FAM221B: variants seen among roughly 807,000 people sequenced by gnomAD.
FAM221B encodes the protein protein FAM221B.
Under a neutral mutation model 39.8 loss-of-function variants are expected in FAM221B, and 35 were observed. The observed-to-expected ratio is 0.88, with a 90% confidence interval of 0.67 to 1.17. The LOEUF is 1.17. Ranked by LOEUF, FAM221B falls within the 50% of genes most tolerant of loss-of-function variation. The probability of loss-of-function intolerance (pLI) is 0.00; values close to 1 mark genes in which losing one functional copy is unlikely to be tolerated. For missense variants in FAM221B, 479 were observed against 503.1 expected (o/e 0.95, Z 0.46); for synonymous variants, 158 against 178.1 (o/e 0.89, Z 0.90).
At chr9:35,820,905 C>T (rs183044672) in intron 3 of FAM221B, among the ~76,000 whole-genome samples, 10 of 152,254 alleles carry the variant, frequency 6.6e-5, no homozygotes, top group Admixed American at 6.5e-4. Flanking sequence ...GATGGCACCT[C>T]CAATTCAGAT....
chr9:35,826,067 T>C lies in FAM221B; in HGVS notation c.95A>G (p.Glu32Gly), dbSNP rs747142375. Residue 32 changes from glutamate (E) to glycine (G), a missense_variant, in exon 2 of 7, where the codon GAG becomes GGG. Glu to Gly is a moderately conservative substitution (Grantham distance 98, BLOSUM62 -2). Coordinates refer to ENST00000423537, the MANE Select transcript of FAM221B (RefSeq NM_001012446.4). The part of the protein sequence containing the change: ...SKDPSAEDLQ[E>G]NHISESFLKP... ...CAAGAAGCTTTCAGAGATATGGTTC[T>C]CCTGTAAGTCCTCAGCAGAGGGGTC... is the stretch of plus-strand genomic sequence containing the variant. The C allele has an allele frequency of 1.2e-6, 2 of 1,614,074 alleles. No individual in the cohort carries two copies. The highest frequency in any genetic ancestry group is 1.7e-5 in the Admixed American group (1 of 60,014).
Position 35,818,458 on chromosome 9 carries a change from CTGGG to C in FAM221B, c.*7_*10del, listed in dbSNP as rs1829060942. The C allele has an allele frequency of 4.5e-6, 7 of 1,551,592 alleles. No individual in the cohort carries two copies. In the African/African-American group the frequency reaches 9.6e-5, roughly 21 times the overall value. ...CAATGACTCCTCTTTTATTGCTGATCTGGGCCAGACTCACAAAGGCCTGTGCCAG... is the reference window on the plus strand; with the variant it reads ...CAATGACTCCTCTTTTATTGCTGATCCCAGACTCACAAAGGCCTGTGCCAG... On this transcript the variant is annotated 3_prime_UTR_variant, in exon 7 of 7. Coordinates refer to ENST00000423537, the MANE Select transcript of FAM221B (RefSeq NM_001012446.4).
At chr9:35,820,320 A>C (rs1324907158) in intron 3 of FAM221B, among the ~76,000 whole-genome samples, 1 of 152,216 alleles carries the variant, frequency 6.6e-6, no homozygotes, top group Non-Finnish European at 1.5e-5. Flanking sequence ...GAGGATGAAC[A>C]TGAATCTCAC....
chr9:35,820,224 A>G (rs143336537), intron 3 of FAM221B, among the ~76,000 whole-genome samples: 12 of 152,238 alleles, frequency 7.9e-5, no homozygotes, highest in African/African-American at 2.9e-4. Context: ...CTTCCTACCC[A>G]GGATCTACTC....
At chr9:35,826,295 A>C in intron 1 of FAM221B, 134 bp from the exon 2 acceptor site, 1 of 694,672 alleles carries the variant, frequency 1.4e-6, no homozygotes, top group Non-Finnish European at 2.4e-6. Context: ...TAAGAGGGAA[A>C]CAACATGAAC....
In FAM221B at chr9:35,821,720, T is replaced by C. The variant is rs947029844; in HGVS notation, c.743-1720A>G. ...CCGGGGGGCAGTCAAGTCCAAGCAC[T>C]AGTGTAGGAATCAGTGCCCAGCATT... On this transcript the variant is annotated intron_variant, in intron 3 of 6. Coordinates refer to ENST00000423537, the MANE Select transcript of FAM221B (RefSeq NM_001012446.4). 9.8e-6 allele frequency: 8 copies of C among 812,784 alleles called. No individual in the cohort carries two copies. In the African/African-American group the frequency reaches 1.1e-4, roughly 11 times the overall value. 50.3% of individuals were successfully genotyped at this position (812,784 alleles called of 1,614,324 possible). A position where few individuals can be genotyped will look rare whatever the true frequency, so the allele number is the denominator to read the frequency against.
chr9:35,822,090 C>A (rs1160074891), intron 3 of FAM221B, among the ~76,000 whole-genome samples: 1 of 152,208 alleles, frequency 6.6e-6, no homozygotes. Context: ...AGCCCTCTCT[C>A]CTGAGCTTCA....
intron 3 of FAM221B, among the ~76,000 whole-genome samples, chr9:35,820,899 G>A (rs574018452): frequency 6.6e-6 from 1 of 152,142 alleles, no homozygotes; most frequent in Non-Finnish European, 1.5e-5. Context: ...TAACCAGATG[G>A]CACCTCCAAT....
rs1401139210 is a variant in FAM221B at position 35,818,951 on chromosome 9, C to T, written c.1110G>A (p.Trp370Ter). Reference protein sequence around the residue: ...NFLCAACDRRWEEHETFFDTQ... With the variant: ...NFLCAACDRR ...TGTCAAAGAAAGTCTCGTGTTCCTCCCAGCGCCGGTCACAGGCCGCACAGA... is the reference window on the plus strand; with the variant it reads ...TGTCAAAGAAAGTCTCGTGTTCCTCTCAGCGCCGGTCACAGGCCGCACAGA... Residue 370 changes from tryptophan to a stop codon, truncating the protein, a stop_gained, in exon 6 of 7, where the codon TGG becomes TGA. Transcript: ENST00000423537. LOFTEE classifies it high-confidence loss of function. The T allele has an allele frequency of 6.4e-7, 1 of 1,551,770 alleles. No individual in the cohort carries two copies. Among genetic ancestry groups the T allele is most frequent in the Non-Finnish European group, 8.7e-7 (1 of 1,147,032 alleles).
intron 6 of FAM221B, 137 bp from the exon 7 acceptor site, chr9:35,818,643 A>G (rs1829066153): frequency 2.0e-6 from 2 of 999,766 alleles, no homozygotes; most frequent in Non-Finnish European, 3.0e-6. Context: ...CTGTATCTGC[A>G]GGGCCTAGAA....
At position 35,818,998 on chromosome 9, in the gene FAM221B, C is replaced by T. The variant is rs1462263990; in HGVS notation, c.1063G>A (p.Gly355Ser). 21 of 1,551,546 alleles carry T rather than the reference C, an allele frequency of 1.4e-5. No homozygotes were observed. The highest frequency in any genetic ancestry group is 4.1e-5 in the African/African-American group (3 of 73,026). The change falls in exon 6 of 7, where the codon GGC becomes AGC. Residue 355 changes from glycine (G) to serine (S), a missense_variant. Gly to Ser is a moderately conservative substitution (Grantham distance 56). Coordinates refer to ENST00000423537, the MANE Select transcript of FAM221B (RefSeq NM_001012446.4). ...HPCRHHGCCC[G>S]CFESNFLCAA... ...CAGAGGAAATTAGACTCAAAACAGC[C>T]GCAGCAACAGCCTGGGGCAAAAGTG...
In FAM221B at chr9:35,825,396, A is replaced by G. The variant is rs867219870; in HGVS notation, c.599-23T>C. The stretch of plus-strand genomic sequence containing the variant: ...TACCTAGGATGGGAGAGGATGAGTA[A>G]CCAGGGGGAAGTGAGAAGGCCCTAA... On this transcript the variant is annotated intron_variant, in intron 2 of 6. Coordinates refer to ENST00000423537, the MANE Select transcript of FAM221B (RefSeq NM_001012446.4). This position sits in a 1 kb window ranked among gnomAD's most constrained non-coding sequence, Gnocchi z 4.2. 6.2e-7 allele frequency: 1 copy of G among 1,613,458 alleles called. No homozygotes were observed. Among genetic ancestry groups the G allele is most frequent in the Admixed American group, 1.7e-5 (1 of 59,998 alleles).
At chr9:35,823,802 C>T (rs956435334) in intron 3 of FAM221B, among the ~76,000 whole-genome samples, 2 of 152,036 alleles carry the variant, frequency 1.3e-5, no homozygotes, top group African/African-American at 2.4e-5. Context: ...GTAGCTGGGG[C>T]CACAGGTGTG....
chr9:35,823,215 T>C (rs1394896010), intron 3 of FAM221B, among the ~76,000 whole-genome samples: 1 of 152,258 alleles, frequency 6.6e-6, no homozygotes, highest in Non-Finnish European at 1.5e-5. Context: ...CCCTTTTTTT[T>C]CTGCTCATGC....
At position 35,822,309 on chromosome 9, in the gene FAM221B, G is replaced by A. The variant is rs572028890; in HGVS notation, c.743-2309C>T. On this transcript the variant is annotated intron_variant, in intron 3 of 6. Transcript: ENST00000423537. The stretch of plus-strand genomic sequence containing the variant: ...CCACTTACTTATGCCAAAAACTGGT[G>A]GCACTCCAGGCATTTCCCTCTCTCT... Among the ~76,000 whole-genome samples, 31 of 152,270 alleles carry A rather than the reference G, an allele frequency of 2.0e-4. No individual in the cohort carries two copies. The South Asian group carries it at 3.1e-3, about 15-fold the overall frequency.
At chr9:35,822,854 C>T (rs1252926234) in intron 3 of FAM221B, among the ~76,000 whole-genome samples, 1 of 152,218 alleles carries the variant, frequency 6.6e-6, no homozygotes, top group Non-Finnish European at 1.5e-5. Context: ...TTTCTCCAGT[C>T]TACCCTATTG....
In FAM221B at chr9:35,817,655, T is replaced by C. The variant is rs1288131439; in HGVS notation, c.*814A>G. Reference sequence around the variant, plus strand: ...ATTAGCCTTCCCAAACCTTCCCCTTTCTCTTCTTGTCTCCTGCTCCCTACT... The same window carrying C: ...ATTAGCCTTCCCAAACCTTCCCCTTCCTCTTCTTGTCTCCTGCTCCCTACT... On this transcript the variant is annotated 3_prime_UTR_variant, in exon 7 of 7. Coordinates refer to ENST00000423537, the MANE Select transcript of FAM221B (RefSeq NM_001012446.4). 6.6e-6 allele frequency: 1 copy of C among 152,286 alleles called. No homozygotes were observed. Among genetic ancestry groups the C allele is most frequent in the Non-Finnish European group, 1.5e-5 (1 of 68,130 alleles). The allele number at this position is 152,286 out of a possible 1,614,324, so 9.4% of individuals were successfully genotyped here. A position where few individuals can be genotyped will look rare whatever the true frequency, so the allele number is the denominator to read the frequency against.
At chr9:35,826,206 G>A (rs1361013572) in intron 1 of FAM221B, 45 bp from the exon 2 acceptor site, 5 of 1,466,622 alleles carry the variant, frequency 3.4e-6, no homozygotes, top group African/African-American at 1.4e-5. Flanking sequence ...TGGAAATAGA[G>A]GGCCGGCAAG....
Position 35,828,349 on chromosome 9 carries a change from C to T in FAM221B, c.-1+114G>A. ...ACAACAACAACTACTACTACTACTACTACTACTACTACTACTACTACTACT... is the reference window on the plus strand; with the variant it reads ...ACAACAACAACTACTACTACTACTATTACTACTACTACTACTACTACTACT... On this transcript the variant is annotated intron_variant, in intron 1 of 6. Coordinates refer to ENST00000423537, the MANE Select transcript of FAM221B (RefSeq NM_001012446.4). This position sits in a 1 kb window ranked among gnomAD's most constrained non-coding sequence, Gnocchi z 4.5. 1 of 168,608 alleles carries T rather than the reference C, an allele frequency of 5.9e-6. No homozygotes were observed. The highest frequency in any genetic ancestry group is 1.2e-5 in the Non-Finnish European group (1 of 85,106). The allele number at this position is 168,608 out of a possible 1,614,324, so 10.4% of individuals were successfully genotyped here. A position where few individuals can be genotyped will look rare whatever the true frequency, so the allele number is the denominator to read the frequency against.
Sources: gnomAD v4.1 joint callset for allele counts (sites outside exome capture counted in the v4.1 genomes callset) on GRCh38, gnomAD v4.1.1 for gene constraint, Gnocchi (gnomAD v3.1) non-coding constraint, MANE v1.5 for transcripts, NCBI Gene and HGNC (gene_info 2026-07-23, HGNC 2026-07-21) for gene names.